MYH11: variants seen among roughly 807,000 people sequenced by gnomAD.
MYH11 encodes the protein myosin heavy chain 11.
MYH11 carries 80 observed loss-of-function variants against 246.6 expected under a neutral mutation model. The observed-to-expected ratio is 0.32, with a 90% CI of 0.27 to 0.39. The LOEUF (loss-of-function observed/expected upper bound fraction) is 0.39, where lower values mean the gene tolerates loss of function less well. Ranked by LOEUF, MYH11 falls within the 10% of genes least tolerant of loss-of-function variation. The pLI, the probability that MYH11 is intolerant of heterozygous loss-of-function variation, is 1.00. For synonymous variants in MYH11, 1,071 were observed against 1,015.5 expected, an observed-to-expected ratio of 1.05 and a Z score of -1.04; for missense variants, 2,158 against 2,546.8, an observed-to-expected ratio of 0.85 and a Z score of 3.29.
At chr16:15,762,412 G>A (rs1050967810) in intron 10 of MYH11, among the ~76,000 whole-genome samples, 4 of 152,160 alleles carry the variant, frequency 2.6e-5, no homozygotes, top group African/African-American at 9.7e-5. Flanking sequence ...TGTAACTGGA[G>A]GCTACAAGAG....
At chr16:15,720,570 G>A (rs1241717843) in intron 33 of MYH11, among the ~76,000 whole-genome samples, 1 of 150,704 alleles carries the variant, frequency 6.6e-6, no homozygotes, top group Non-Finnish European at 1.5e-5. Flanking sequence ...CCAACATGGT[G>A]AAACCTTGTC....
chr16:15,841,673 C>T (rs1184754602), intron 1 of MYH11, among the ~76,000 whole-genome samples: 1 of 152,188 alleles, frequency 6.6e-6, no homozygotes, highest in East Asian at 1.9e-4. Flanking sequence ...AGAGACAACA[C>T]ACTCTATAGG....
At chr16:15,770,996 G>C (rs2042086877) in intron 9 of MYH11, among the ~76,000 whole-genome samples, 1 of 147,108 alleles carries the variant, frequency 6.8e-6, no homozygotes, top group Admixed American at 7.1e-5. Flanking sequence ...TTGAATTCCT[G>C]AACTTTTTTT....
intron 20 of MYH11, among the ~76,000 whole-genome samples, chr16:15,744,524 A>C (rs952160819): frequency 3.4e-5 from 5 of 146,230 alleles, no homozygotes; most frequent in African/African-American, 1.3e-4. Context: ...AAGAAAGAAG[A>C]GACAGAGTCT....
intron 9 of MYH11, among the ~76,000 whole-genome samples, chr16:15,768,683 T>A (rs1004156467): frequency 7.9e-5 from 12 of 152,236 alleles, no homozygotes; most frequent in African/African-American, 2.9e-4. Context: ...ACTTTCTCTA[T>A]CTTCAGTGAC....
At chr16:15,726,174 T>C (rs953500372) in intron 28 of MYH11, 1 of 155,706 alleles carries the variant, frequency 6.4e-6, no homozygotes, top group African/African-American at 2.4e-5. Flanking sequence ...CTTTGCTGCA[T>C]CATTTGACAT....
At chr16:15,725,134 T>TAA (rs60544332) in intron 28 of MYH11, 142 bp from the exon 29 acceptor site, 1,744 of 533,754 alleles carry the variant, frequency 3.3e-3, no homozygotes, top group South Asian at 7.2e-3. Context: ...GGGACTCTGA[T>TAA]AAAAAAAAAA....
At chr16:15,704,327 T>C (rs1180925653) in intron 40 of MYH11, among the ~76,000 whole-genome samples, 1 of 152,176 alleles carries the variant, frequency 6.6e-6, no homozygotes, top group Non-Finnish European at 1.5e-5. Flanking sequence ...GCATGAGTGA[T>C]TGAATTTAAT....
intron 17 of MYH11, 37 bp downstream of exon 17, chr16:15,748,010 A>T: frequency 6.2e-7 from 1 of 1,613,838 alleles, no homozygotes; most frequent in Admixed American, 1.7e-5. Flanking sequence ...AGTCCCGCTC[A>T]CCCCCTGCCC....
chr16:15,758,997 A>C (rs991562292), intron 12 of MYH11, among the ~76,000 whole-genome samples: 1 of 151,426 alleles, frequency 6.6e-6, no homozygotes, highest in Non-Finnish European at 1.5e-5. Context: ...CAAAAAAAAA[A>C]CCTTCCCTTT....
chr16:15,757,133 A>C (rs983727020), intron 13 of MYH11, among the ~76,000 whole-genome samples: 1 of 151,496 alleles, frequency 6.6e-6, no homozygotes, highest in Non-Finnish European at 1.5e-5. Flanking sequence ...TTGTTGCTTG[A>C]CTTGAATTCA....
intron 12 of MYH11, 115 bp downstream of exon 12, chr16:15,759,461 C>T: frequency 7.4e-7 from 1 of 1,343,528 alleles, no homozygotes; most frequent in Non-Finnish European, 1.1e-6. Flanking sequence ...AACTAGACAG[C>T]CTCCTACCCT....
chr16:15,733,549 T>C (rs1038672664), intron 26 of MYH11, among the ~76,000 whole-genome samples: 5 of 148,532 alleles, frequency 3.4e-5, no homozygotes, highest in Non-Finnish European at 5.9e-5. Flanking sequence ...TTTGTTTTGT[T>C]TGTTTGTTTT....
intron 24 of MYH11, among the ~76,000 whole-genome samples, 186 bp from the exon 25 acceptor site, chr16:15,737,806 A>C (rs1487720679): frequency 6.6e-6 from 1 of 152,120 alleles, no homozygotes; most frequent in Non-Finnish European, 1.5e-5. Flanking sequence ...TATTATTATT[A>C]GTTGAGATGG....
At chr16:15,706,245 TTCTC>T (rs368469876) in intron 40 of MYH11, among the ~76,000 whole-genome samples, 1 of 152,288 alleles carries the variant, frequency 6.6e-6, no homozygotes, top group African/African-American at 2.4e-5. Context: ...CTCTCCATCC[TTCTC>T]TCTCTAGATG....
At chr16:15,771,243 G>A (rs935210335) in intron 9 of MYH11, among the ~76,000 whole-genome samples, 3 of 151,706 alleles carry the variant, frequency 2.0e-5, no homozygotes, top group East Asian at 3.9e-4. Flanking sequence ...AAAGTGATCC[G>A]CCCACCTTGG....
chr16:15,744,694 G>A (rs547814186), intron 20 of MYH11, among the ~76,000 whole-genome samples: 2 of 151,374 alleles, frequency 1.3e-5, no homozygotes, highest in African/African-American at 4.9e-5. Context: ...GTAGAGACAG[G>A]GTTTTGCCAT....
At position 15,732,552 on chromosome 16, in the gene MYH11, AAAAAG is replaced by A. The variant is rs369806813; in HGVS notation, c.3651+7_3651+11del. 3,200 of 1,614,204 alleles carry A rather than the reference AAAAAG, an allele frequency of 2.0e-3. 56 individuals are homozygous for A. In the African/African-American group the frequency reaches 0.038, roughly 19 times the overall value. On this transcript the variant is annotated splice_region_variant and intron_variant, in intron 27 of 40. Coordinates refer to ENST00000300036, the MANE Select transcript of MYH11 (RefSeq NM_002474.3). The stretch of plus-strand genomic sequence containing the variant: ...TGTGTCATCACCAAAAAGCATCACC[AAAAAG>A]CATTACCCTCTTGAACTGCTCAAGC...
intron 9 of MYH11, among the ~76,000 whole-genome samples, chr16:15,771,203 T>C (rs911653328): frequency 6.6e-6 from 1 of 151,954 alleles, no homozygotes; most frequent in African/African-American, 2.4e-5. Context: ...TTTCACCAAA[T>C]TGACCAGGTT....
Sources: gnomAD v4.1 joint callset for allele counts (sites outside exome capture counted in the v4.1 genomes callset) on GRCh38, gnomAD v4.1.1 for gene constraint, MANE v1.5 for transcripts, NCBI Gene and HGNC (gene_info 2026-07-23, HGNC 2026-07-21) for gene names.